COG7: variants seen among roughly 807,000 people sequenced by gnomAD.
COG7 encodes conserved oligomeric Golgi complex subunit 7.
A neutral mutation model predicts 91.5 loss-of-function variants in COG7; 49 were observed. The ratio of observed to expected loss-of-function variants is 0.54; its 90% CI spans 0.43 to 0.68. COG7 has a LOEUF of 0.68. Among genes scored for constraint, COG7 ranks in the 30% least tolerant of loss-of-function variants. The pLI is 0.00. For missense variants in COG7, 895 were observed against 961.3 expected (o/e 0.93, Z 0.91); for synonymous variants, 365 against 388.7 (o/e 0.94, Z 0.72).
intron 4 of COG7, among the ~76,000 whole-genome samples, chr16:23,435,895 T>G (rs1425729692): frequency 6.6e-6 from 1 of 152,224 alleles, no homozygotes; most frequent in Non-Finnish European, 1.5e-5. Context: ...AAATGCTTAT[T>G]ATTTTCATAA....
chr16:23,441,030 A>G (rs2142092946), intron 4 of COG7, among the ~76,000 whole-genome samples: 1 of 152,264 alleles, frequency 6.6e-6, no homozygotes, highest in Non-Finnish European at 1.5e-5. Flanking sequence ...CAGATAGTTG[A>G]TGTTCTCAAA....
intron 13 of COG7, 45 bp from the exon 14 acceptor site, chr16:23,398,174 C>T (rs758014163): frequency 6.5e-6 from 10 of 1,530,130 alleles, no homozygotes; most frequent in Non-Finnish European, 1.8e-6. Context: ...AGCAGCCAGG[C>T]AGCTGTGAAG....
chr16:23,427,049 G>C (rs542211838), intron 6 of COG7, among the ~76,000 whole-genome samples: 14 of 152,068 alleles, frequency 9.2e-5, no homozygotes, highest in Admixed American at 5.2e-4. Context: ...AGGAGTTTGA[G>C]ACCAGCCTGG....
chr16:23,430,809 G>C (rs1439303965), intron 6 of COG7, among the ~76,000 whole-genome samples: 4 of 151,924 alleles, frequency 2.6e-5, no homozygotes, highest in Non-Finnish European at 5.9e-5. Flanking sequence ...CCAAAGTGCT[G>C]GGATTACAGG....
chr16:23,416,610 G>A (rs1175644986), intron 9 of COG7: 2 of 334,910 alleles, frequency 6.0e-6, no homozygotes, highest in African/African-American at 2.2e-5. Flanking sequence ...TGGGATTACA[G>A]GCGTGATTCA....
chr16:23,442,444 T>G (rs1161748245), intron 4 of COG7, 33 bp downstream of exon 4: 4 of 1,604,012 alleles, frequency 2.5e-6, no homozygotes, highest in African/African-American at 2.7e-5. Flanking sequence ...TATAGAGAGA[T>G]ATACACAGAG....
intron 7 of COG7, 107 bp from the exon 8 acceptor site, chr16:23,418,934 T>C: frequency 1.1e-6 from 1 of 947,010 alleles, no homozygotes; most frequent in Non-Finnish European, 1.7e-6. Flanking sequence ...CCATTTGATC[T>C]CCAGAGGGGA....
chr16:23,413,488 G>C lies in COG7; in HGVS notation c.1369C>G (p.Leu457Val), dbSNP rs1191969930. Residue 457 changes from leucine (L) to valine (V), a missense_variant, in exon 10 of 17, where the codon CTC (leucine) becomes GTC (valine). Physicochemically the swap from Leu to Val is conservative, Grantham distance 32 (BLOSUM62 1). Coordinates refer to ENST00000307149, the MANE Select transcript of COG7 (RefSeq NM_153603.4). Reference sequence around the variant, plus strand: ...AAAGCCGTCCAATCTTCCTGGAAGAGGGAGTTGGGAGGAATGTGGTCCAGT... The same window carrying C: ...AAAGCCGTCCAATCTTCCTGGAAGACGGAGTTGGGAGGAATGTGGTCCAGT... ...CKLDHIPPNS[L>V]FQEDWTAFQN... The C allele has an allele frequency of 2.5e-6, 4 of 1,611,964 alleles. No homozygotes were observed. Among genetic ancestry groups the C allele is most frequent in the Middle Eastern group, 1.7e-4 (1 of 6,060 alleles).
rs1349209434 is a variant in COG7 at position 23,418,817 on chromosome 16, A to G, written c.1020T>C (p.Asn340=). The G allele has an allele frequency of 1.2e-6, 2 of 1,613,608 alleles. No individual in the cohort carries two copies. Among genetic ancestry groups the G allele is most frequent in the South Asian group, 1.1e-5 (1 of 91,064 alleles). ...MALLPHLHEH[N]LVKVTELVDA... ...CCACCAGCTCCGTGACTTTTACCAG[A>G]TTGTGTTCATCTTTAGGGAATCAGA... Residue 340 remains asparagine (N), a synonymous_variant, in exon 8 of 17, where the codon AAT becomes AAC. Coordinates refer to ENST00000307149, the MANE Select transcript of COG7 (RefSeq NM_153603.4).
intron 3 of COG7, among the ~76,000 whole-genome samples, chr16:23,443,486 A>G (rs1156395273): frequency 6.6e-6 from 1 of 152,118 alleles, no homozygotes; most frequent in African/African-American, 2.4e-5. Flanking sequence ...TGAGGTCAGG[A>G]GTTTGCAACC....
At chr16:23,390,806 C>T (rs967777382) in intron 16 of COG7, among the ~76,000 whole-genome samples, 3 of 152,236 alleles carry the variant, frequency 2.0e-5, no homozygotes, top group Non-Finnish European at 4.4e-5. Context: ...TCTGTCACGG[C>T]TGACTCAGGA....
At chr16:23,426,943 A>G (rs1963858315) in intron 6 of COG7, among the ~76,000 whole-genome samples, 1 of 152,204 alleles carries the variant, frequency 6.6e-6, no homozygotes, top group Non-Finnish European at 1.5e-5. Context: ...TCCACAAAAT[A>G]CTTTTAGAGT....
intron 1 of COG7, among the ~76,000 whole-genome samples, chr16:23,448,525 T>C (rs1289295846): frequency 6.6e-6 from 1 of 152,162 alleles, no homozygotes; most frequent in African/African-American, 2.4e-5. Flanking sequence ...CTGGAACTGC[T>C]GGTCTGGAAC....
intron 7 of COG7, among the ~76,000 whole-genome samples, chr16:23,421,800 G>A (rs771441120): frequency 9.8e-5 from 13 of 133,142 alleles, no homozygotes; most frequent in African/African-American, 2.9e-4. Flanking sequence ...TCAGTGAGCC[G>A]AAATTGTGCC....
intron 13 of COG7, among the ~76,000 whole-genome samples, chr16:23,399,474 G>A (rs1963339304): frequency 6.6e-6 from 1 of 152,188 alleles, no homozygotes; most frequent in African/African-American, 2.4e-5. Flanking sequence ...AGAAATGTAA[G>A]ATTTGCTCCT....
chr16:23,410,766 C>T (rs1051783966), intron 10 of COG7, among the ~76,000 whole-genome samples: 3 of 152,112 alleles, frequency 2.0e-5, no homozygotes, highest in Non-Finnish European at 4.4e-5. Flanking sequence ...AGTGCAATGG[C>T]GTCATCTTGG....
chr16:23,446,809 T>C (rs1290941901), intron 1 of COG7: 1 of 152,378 alleles, frequency 6.6e-6, no homozygotes, highest in African/African-American at 2.4e-5. Flanking sequence ...TGGAGTGCAG[T>C]GGTGAAATCA....
rs1180567052 is a variant in COG7, at chr16:23,406,191, C to A, written c.1547G>T (p.Ser516Ile). ...AGAGTTCTTCTTGTCTGTCAAGATGCTCTCCTGAAAACCAGCCAGGCTCCG... is the reference window on the plus strand; with the variant it reads ...AGAGTTCTTCTTGTCTGTCAAGATGATCTCCTGAAAACCAGCCAGGCTCCG... ...SPRSLAGFQESILTDKKNSAK... is the reference protein window; with the variant it reads ...SPRSLAGFQEIILTDKKNSAK... The change falls in exon 12 of 17, where the codon AGC (serine) becomes ATC (isoleucine). Residue 516 changes from serine to isoleucine, a missense_variant. Transcript: ENST00000307149. 1 of 1,614,082 alleles carries A rather than the reference C, an allele frequency of 6.2e-7. No homozygotes were observed. Among genetic ancestry groups the A allele is most frequent in the East Asian group, 2.2e-5 (1 of 44,882 alleles).
intron 10 of COG7, chr16:23,412,523 T>C (rs1023069380): frequency 6.6e-6 from 1 of 152,242 alleles, no homozygotes; most frequent in South Asian, 2.1e-4. Context: ...CAGCTGGACA[T>C]GTCAAGGACC....
Sources: gnomAD v4.1 joint callset for allele counts (sites outside exome capture counted in the v4.1 genomes callset) on GRCh38, gnomAD v4.1.1 for gene constraint, MANE v1.5 for transcripts, NCBI Gene and HGNC (gene_info 2026-07-23, HGNC 2026-07-21) for gene names.